The following PHKG2 variants were observed in gnomAD, a reference collection of about 807,000 sequenced individuals.
The protein encoded by PHKG2 is phosphorylase b kinase gamma catalytic chain, liver/testis isoform.
Under a neutral mutation model 44.5 loss-of-function variants are expected in PHKG2, and 28 were observed. That is an observed-to-expected ratio of 0.63 (90% CI 0.47 to 0.86). The LOEUF is 0.86. PHKG2 is among the 40% of genes least tolerant of loss of function. The pLI, the probability that PHKG2 is intolerant of heterozygous loss-of-function variation, is 0.00. For missense variants in PHKG2, 498 were observed against 547.5 expected, an observed-to-expected ratio of 0.91 and a Z score of 0.90; for synonymous variants, 220 against 211.2, an observed-to-expected ratio of 1.04 and a Z score of -0.36.
chr16:30,749,550 T>G (rs2053317912), intron 2 of PHKG2, among the ~76,000 whole-genome samples: 1 of 151,928 alleles, frequency 6.6e-6, no homozygotes, highest in South Asian at 2.1e-4. Context: ...TTCACCATAT[T>G]GGCCACGCTG....
chr16:30,758,245 G>C lies in PHKG2; in HGVS notation c.*1148G>C, dbSNP rs2053509671. The C allele has an allele frequency of 6.6e-6, 1 of 152,184 alleles. No homozygotes were observed. Among genetic ancestry groups the C allele is most frequent in the Non-Finnish European group, 1.5e-5 (1 of 68,222 alleles). The allele number at this position is 152,184 out of a possible 1,614,324, so 9.4% of individuals were successfully genotyped here. On this transcript the variant is annotated 3_prime_UTR_variant, in exon 10 of 10. Coordinates refer to ENST00000563588, the MANE Select transcript of PHKG2 (RefSeq NM_000294.3). ...CGCCACCACGCCCGGCTAACTTTTT[G>C]TATTTTTAGTAGAGACGGGGTTTCA...
In PHKG2 at chr16:30,760,731, C is replaced by T; in HGVS notation, c.*3634C>T. The T allele has an allele frequency of 1.4e-6, 2 of 1,456,730 alleles. No individual in the cohort carries two copies. Among genetic ancestry groups the T allele is most frequent in the Admixed American group, 2.0e-5 (1 of 50,896 alleles). 90.2% of individuals were successfully genotyped at this position (1,456,730 alleles called of 1,614,324 possible). On this transcript the variant is annotated 3_prime_UTR_variant, in exon 10 of 10. Coordinates refer to ENST00000563588, the MANE Select transcript of PHKG2 (RefSeq NM_000294.3). ...ACCTATCATGACAAGGCTGTGACAG[C>T]TAGTGCGTGAGACTGGGAGTTGGCC...
chr16:30,754,377 G>A (rs894303226), intron 6 of PHKG2, among the ~76,000 whole-genome samples: 14 of 152,214 alleles, frequency 9.2e-5, no homozygotes, highest in Middle Eastern at 3.4e-3. Flanking sequence ...TGTTGGCCAG[G>A]CTGGTCTTGA....
chr16:30,753,187 C>T, intron 4 of PHKG2, 45 bp from the exon 5 acceptor site: 1 of 1,468,050 alleles, frequency 6.8e-7, no homozygotes, highest in Non-Finnish European at 9.5e-7. Flanking sequence ...TTTCTCAGCC[C>T]CCACTGTGGG....
chr16:30,751,498 C>T (rs776918015), intron 3 of PHKG2, 51 bp from the exon 4 acceptor site: 1 of 1,525,554 alleles, frequency 6.6e-7, no homozygotes, highest in Non-Finnish European at 9.1e-7. Flanking sequence ...CGTTAATGTG[C>T]ATCCACTCCT....
In PHKG2 at chr16:30,760,821, G is replaced by A; in HGVS notation, c.*3724G>A. 2 of 702,738 alleles carry A rather than the reference G, an allele frequency of 2.8e-6. No individual in the cohort carries two copies. Among genetic ancestry groups the A allele is most frequent in the East Asian group, 2.7e-5 (1 of 37,022 alleles). The allele number at this position is 702,738 out of a possible 1,614,324, so 43.5% of individuals were successfully genotyped here. The stretch of plus-strand genomic sequence containing the variant: ...GACTATGCAAATCGTTAACTCTCTG[G>A]GCCTAAATGAACTCTTATGAGCCTC... On this transcript the variant is annotated 3_prime_UTR_variant, in exon 10 of 10. Coordinates refer to ENST00000563588, the MANE Select transcript of PHKG2 (RefSeq NM_000294.3).
At chr16:30,751,676 G>A in intron 4 of PHKG2, 73 bp downstream of exon 4, 2 of 1,277,364 alleles carry the variant, frequency 1.6e-6, no homozygotes, top group South Asian at 1.2e-5. Flanking sequence ...TTGTGGTGCA[G>A]TGGGCTGGAC....
chr16:30,751,720 G>C, intron 4 of PHKG2, 117 bp downstream of exon 4: 1 of 907,848 alleles, frequency 1.1e-6, no homozygotes, highest in Non-Finnish European at 1.9e-6. Context: ...TCCAGCTGGG[G>C]CTCTCTATCA....
Position 30,759,409 on chromosome 16 carries a change from A to AC in PHKG2, c.*2312_*2313insC. ...GTAAGTGTTGACCACGTAGTCTTCC[A>AC]AGGCCAGCAGCTGTTCCTCTTTGAA... is the stretch of plus-strand genomic sequence containing the variant. On this transcript the variant is annotated 3_prime_UTR_variant, in exon 10 of 10. Transcript: ENST00000563588. 6.2e-7 allele frequency: 1 copy of AC among 1,614,240 alleles called. No individual in the cohort carries two copies.
chr16:30,749,255 G>C (rs1043871865), intron 2 of PHKG2, among the ~76,000 whole-genome samples: 4 of 114,724 alleles, frequency 3.5e-5, no homozygotes, highest in Non-Finnish European at 7.2e-5. Flanking sequence ...GGTGCTGGTG[G>C]TGCTGGTGGT....
At chr16:30,753,725 G>C (rs991234424) in intron 6 of PHKG2, among the ~76,000 whole-genome samples, 168 bp downstream of exon 6, 2 of 152,162 alleles carry the variant, frequency 1.3e-5, no homozygotes, top group Non-Finnish European at 2.9e-5. Context: ...CTCAGAGTGG[G>C]CATCCTGACC....
At position 30,759,555 on chromosome 16, in the gene PHKG2, G is replaced by A. The variant is rs1567269227; in HGVS notation, c.*2458G>A. ...AACAGGAGCAAGGAGAGCCCACTGG[G>A]GTCTTCACAAGAAGATAAGGGTGAT... On this transcript the variant is annotated 3_prime_UTR_variant, in exon 10 of 10. Coordinates refer to ENST00000563588, the MANE Select transcript of PHKG2 (RefSeq NM_000294.3). The A allele has an allele frequency of 6.2e-7, 1 of 1,614,092 alleles. No individual in the cohort carries two copies. The highest frequency in any genetic ancestry group is 2.2e-5 in the East Asian group (1 of 44,890).
chr16:30,754,992 C>A, intron 6 of PHKG2: 1 of 441,706 alleles, frequency 2.3e-6, no homozygotes, highest in South Asian at 1.6e-5. Flanking sequence ...AGTTTCAATT[C>A]GGGGCTGTTA....
Position 30,758,926 on chromosome 16 carries a change from A to G in PHKG2, c.*1829A>G, listed in dbSNP as rs2053552095. 6.5e-7 allele frequency: 1 copy of G among 1,547,866 alleles called. No homozygotes were observed. On this transcript the variant is annotated 3_prime_UTR_variant, in exon 10 of 10. Transcript: ENST00000563588. ...GAGAAAGGACTCTGACTAAAAACAA[A>G]AAGTCTGAAGTCCTGATGTCATCCA...
rs377047162 is a variant in PHKG2, at chr16:30,760,374, C to T, written c.*3277C>T. Reference sequence around the variant, plus strand: ...CCCTGCTGGCGGCAGAAAATGAGCGCGTGGCAGAAGAGGTCCAGGGTGATG... The same window carrying T: ...CCCTGCTGGCGGCAGAAAATGAGCGTGTGGCAGAAGAGGTCCAGGGTGATG... On this transcript the variant is annotated 3_prime_UTR_variant, in exon 10 of 10. Transcript: ENST00000563588. 85 of 1,614,066 alleles carry T rather than the reference C, an allele frequency of 5.3e-5. No homozygotes were observed. The highest frequency in any genetic ancestry group is 6.4e-5 in the Non-Finnish European group (75 of 1,180,056).
Position 30,757,287 on chromosome 16 carries a change from C to T in PHKG2, c.*190C>T. ...GATCAGAGCTGGGGTGGAAGGGAGC[C>T]ATTCTGAACGCCACGCCTGGCCCGG... On this transcript the variant is annotated 3_prime_UTR_variant, in exon 10 of 10. Transcript: ENST00000563588. 1 of 1,541,682 alleles carries T rather than the reference C, an allele frequency of 6.5e-7. No homozygotes were observed. The highest frequency in any genetic ancestry group is 8.7e-7 in the Non-Finnish European group (1 of 1,152,642).
chr16:30,757,232 T>TA lies in PHKG2; in HGVS notation c.*136dup. ...GCTACCCTCTTGAAGACCAGCCCGG[T>TA]ACCTCTCTCCCCACTGGCCAGGACT... On this transcript the variant is annotated 3_prime_UTR_variant, in exon 10 of 10. Transcript: ENST00000563588. 1.3e-6 allele frequency: 2 copies of TA among 1,578,730 alleles called. No homozygotes were observed. The highest frequency in any genetic ancestry group is 2.1e-4 in the Middle Eastern group (1 of 4,738).
chr16:30,749,836 C>T (rs1366441873), intron 2 of PHKG2, among the ~76,000 whole-genome samples: 1 of 152,118 alleles, frequency 6.6e-6, no homozygotes, highest in Non-Finnish European at 1.5e-5. Context: ...GAAATTGGCA[C>T]GTGAACGTTA....
Position 30,760,499 on chromosome 16 carries a change from C to T in PHKG2, c.*3402C>T. On this transcript the variant is annotated 3_prime_UTR_variant, in exon 10 of 10. Coordinates refer to ENST00000563588, the MANE Select transcript of PHKG2 (RefSeq NM_000294.3). ...GAGTGACAACTGGGCCTCCTTTCATCACCCTACACCCACCACATGCTTTGG... is the reference window on the plus strand; with the variant it reads ...GAGTGACAACTGGGCCTCCTTTCATTACCCTACACCCACCACATGCTTTGG... 1.9e-6 allele frequency: 3 copies of T among 1,610,158 alleles called. No individual in the cohort carries two copies. The highest frequency in any genetic ancestry group is 2.2e-5 in the South Asian group (2 of 90,932).
Sources: gnomAD v4.1 joint callset for allele counts (sites outside exome capture counted in the v4.1 genomes callset) on GRCh38, gnomAD v4.1.1 for gene constraint, MANE v1.5 for transcripts, NCBI Gene and HGNC (gene_info 2026-07-23, HGNC 2026-07-21) for gene names.